CSGALNACT1: variants seen among roughly 807,000 people sequenced by gnomAD.
CSGALNACT1 encodes chondroitin sulfate N-acetylgalactosaminyltransferase 1.
In CSGALNACT1, 52 loss-of-function variants were observed where a neutral mutation model predicts 51.0. That is an observed-to-expected ratio of 1.02 (90% CI 0.82 to 1.29). The LOEUF (loss-of-function observed/expected upper bound fraction) is 1.29, where lower values mean the gene tolerates loss of function less well. Among genes scored for constraint, CSGALNACT1 ranks in the 50% most tolerant of loss-of-function variants. The pLI, the probability that CSGALNACT1 is intolerant of heterozygous loss-of-function variation, is 0.00. For synonymous variants in CSGALNACT1, 341 were observed against 254.4 expected, an observed-to-expected ratio of 1.34 and a Z score of -3.24; for missense variants, 935 against 679.2, an observed-to-expected ratio of 1.38 and a Z score of -4.19.
At chr8:19,545,663 A>G (rs988569142) in intron 3 of CSGALNACT1, among the ~76,000 whole-genome samples, 1 of 152,010 alleles carries the variant, frequency 6.6e-6, no homozygotes, top group Non-Finnish European at 1.5e-5. Flanking sequence ...ACAATAAGGG[A>G]GAAAAAACGT....
intron 4 of CSGALNACT1, among the ~76,000 whole-genome samples, chr8:19,471,925 A>G (rs1171285162): frequency 2.0e-5 from 3 of 152,222 alleles, no homozygotes; most frequent in Admixed American, 6.5e-5. Context: ...GGCTGGACCC[A>G]GATATCAGGC....
chr8:19,469,943 A>T (rs1488504753), intron 4 of CSGALNACT1, among the ~76,000 whole-genome samples: 1 of 152,192 alleles, frequency 6.6e-6, no homozygotes, highest in Non-Finnish European at 1.5e-5. Flanking sequence ...GGGAAGAAGA[A>T]AGGGAAGGTG....
intron 1 of CSGALNACT1, among the ~76,000 whole-genome samples, chr8:19,666,141 G>A (rs2059157309): frequency 6.6e-6 from 1 of 152,188 alleles, no homozygotes; most frequent in South Asian, 2.1e-4. Flanking sequence ...ACTGGTGAAA[G>A]GAGGGTGCTC....
intron 3 of CSGALNACT1, among the ~76,000 whole-genome samples, chr8:19,527,968 G>A (rs1412584183): frequency 6.6e-6 from 1 of 152,108 alleles, no homozygotes; most frequent in African/African-American, 2.4e-5. Context: ...GGAGAAAATC[G>A]AGTGGGAAGA....
chr8:19,733,274 A>C (rs2063786481), intron 1 of CSGALNACT1, among the ~76,000 whole-genome samples: 1 of 152,236 alleles, frequency 6.6e-6, no homozygotes, highest in African/African-American at 2.4e-5. Context: ...CATTTTATAA[A>C]GCACTCTTGT....
At chr8:19,565,583 A>G (rs2041741070) in intron 3 of CSGALNACT1, among the ~76,000 whole-genome samples, 1 of 152,196 alleles carries the variant, frequency 6.6e-6, no homozygotes, top group Non-Finnish European at 1.5e-5. Flanking sequence ...CTCCAGCTTC[A>G]TTGGTTGTAC....
chr8:19,490,663 T>C (rs1248944704), intron 4 of CSGALNACT1, among the ~76,000 whole-genome samples: 1 of 152,142 alleles, frequency 6.6e-6, no homozygotes, highest in Non-Finnish European at 1.5e-5. Flanking sequence ...GTAGTCTCCA[T>C]CACAATGCAG....
intron 3 of CSGALNACT1, among the ~76,000 whole-genome samples, chr8:19,546,003 T>C (rs985566307): frequency 2.0e-5 from 3 of 151,926 alleles, no homozygotes; most frequent in African/African-American, 7.2e-5. Context: ...CCTCCACAGA[T>C]AGCCCAAGAA....
At chr8:19,432,659 C>T (rs2059812906) in intron 6 of CSGALNACT1, among the ~76,000 whole-genome samples, 1 of 152,022 alleles carries the variant, frequency 6.6e-6, no homozygotes, top group Admixed American at 6.6e-5. Context: ...GTTGGCTTAT[C>T]TTGAAGTTTG....
chr8:19,601,785 A>T (rs1370837974), exon 2 of CSGALNACT1: 1 of 453,600 alleles, frequency 2.2e-6, no homozygotes, highest in East Asian at 7.0e-5. Flanking sequence ...GGGTTCAAGA[A>T]GGGAAGGTTA....
intron 3 of CSGALNACT1, among the ~76,000 whole-genome samples, chr8:19,573,515 C>A (rs567305566): frequency 1.3e-5 from 2 of 151,980 alleles, no homozygotes; most frequent in Admixed American, 6.6e-5. Context: ...GCGATCTCTG[C>A]TCACTGTAAC....
chr8:19,405,041 A>T, exon 10 of CSGALNACT1: 1 of 453,440 alleles, frequency 2.2e-6, no homozygotes, highest in Non-Finnish European at 4.4e-6. Context: ...AATGCATCTC[A>T]AAGTATCTTC....
chr8:19,475,973 G>T (rs919307510), intron 4 of CSGALNACT1, among the ~76,000 whole-genome samples: 1 of 152,098 alleles, frequency 6.6e-6, no homozygotes, highest in South Asian at 2.1e-4. Context: ...AACATGACTT[G>T]CCATGTCCAC....
chr8:19,467,688 A>G (rs2067037836), intron 4 of CSGALNACT1, among the ~76,000 whole-genome samples: 1 of 151,958 alleles, frequency 6.6e-6, no homozygotes, highest in South Asian at 2.1e-4. Context: ...ATTCTATATC[A>G]GAGATATAAA....
At chr8:19,457,247 C>A (rs1027968393) in intron 5 of CSGALNACT1, among the ~76,000 whole-genome samples, 2 of 152,138 alleles carry the variant, frequency 1.3e-5, no homozygotes, top group Non-Finnish European at 1.5e-5. Context: ...GCTCATGAAC[C>A]AGAATTTTGA....
chr8:19,705,008 C>G (rs1456682952), intron 1 of CSGALNACT1, among the ~76,000 whole-genome samples: 1 of 152,120 alleles, frequency 6.6e-6, no homozygotes, highest in Non-Finnish European at 1.5e-5. Context: ...TTCTGGTAAC[C>G]TACATCATAG....
At chr8:19,481,635 T>C (rs898828042) in intron 4 of CSGALNACT1, among the ~76,000 whole-genome samples, 1 of 152,160 alleles carries the variant, frequency 6.6e-6, no homozygotes, top group Admixed American at 6.5e-5. Flanking sequence ...CACATCCTTA[T>C]GGTCAAAATT....
At chr8:19,578,025 A>G (rs1004727893) in intron 3 of CSGALNACT1, among the ~76,000 whole-genome samples, 7 of 152,114 alleles carry the variant, frequency 4.6e-5, no homozygotes, top group African/African-American at 1.7e-4. Context: ...GGAAAAAATT[A>G]CTCCAGCACC....
At chr8:19,580,452 T>C (rs911112539) in intron 3 of CSGALNACT1, among the ~76,000 whole-genome samples, 3 of 152,224 alleles carry the variant, frequency 2.0e-5, no homozygotes, top group Non-Finnish European at 4.4e-5. Context: ...CAATGGCTTA[T>C]ACCTTAGAAA....
Sources: allele counts gnomAD v4.1 joint callset (sites outside exome capture counted in the v4.1 genomes callset), GRCh38; gene constraint gnomAD v4.1.1; transcripts MANE v1.5; gene names NCBI Gene and HGNC (gene_info 2026-07-23, HGNC 2026-07-21).